Variants in HNRNPA1L3 observed in about 807,000 individuals in gnomAD.
HNRNPA1L3 encodes heterogeneous nuclear ribonucleoprotein A1-like 3.
the HNRNPA1L3 span, chr16:51,645,877 G>A: frequency 1.2e-6 from 2 of 1,607,966 alleles, no homozygotes; most frequent in South Asian, 2.2e-5. Flanking sequence ...TCATTGGAGG[G>A]TTGAGCTTTG....
chr16:51,646,940 A>C, the HNRNPA1L3 span: 1 of 723,316 alleles, frequency 1.4e-6, no homozygotes. Context: ...TAGGCAAAAA[A>C]CTCGAGGACT....
chr16:51,646,750 C>T, the HNRNPA1L3 span: 6 of 1,596,940 alleles, frequency 3.8e-6, no homozygotes, highest in Non-Finnish European at 5.1e-6. Context: ...CCAGCAGCAG[C>T]AGTAGCTATG....
chr16:51,646,102 T>C, the HNRNPA1L3 span: 75 of 1,596,060 alleles, frequency 4.7e-5, no homozygotes, highest in Non-Finnish European at 6.3e-5. Flanking sequence ...GAGAAGATTC[T>C]CAAAGACCAG....
the HNRNPA1L3 span, chr16:51,646,403 C>T: frequency 7.2e-4 from 1,112 of 1,538,958 alleles, 11 homozygotes; most frequent in African/African-American, 0.013. Flanking sequence ...CCAAAGAGGT[C>T]GAAGTGGTTC....
the HNRNPA1L3 span, chr16:51,646,016 G>A: frequency 1.9e-6 from 3 of 1,593,924 alleles, no homozygotes; most frequent in African/African-American, 1.3e-5. Context: ...CACTGTGGAG[G>A]AGGTGGATGC....
the HNRNPA1L3 span, chr16:51,646,574 A>C: frequency 3.2e-6 from 5 of 1,583,998 alleles, no homozygotes; most frequent in African/African-American, 4.0e-5. Context: ...TGATGGAAGC[A>C]ATTTTGGAGG....
At chr16:51,645,925 A>G in the HNRNPA1L3 span, 1 of 1,607,070 alleles carries the variant, frequency 6.2e-7, no homozygotes, top group East Asian at 2.2e-5. Context: ...ATTTTGAGCA[A>G]TGGGGAACGC....
chr16:51,646,492 T>A, the HNRNPA1L3 span: 2 of 1,597,732 alleles, frequency 1.3e-6, no homozygotes, highest in Admixed American at 3.3e-5. Context: ...TCAGTGGTCG[T>A]GGTGGCTTTG....
the HNRNPA1L3 span, chr16:51,647,018 A>G: frequency 1.7e-6 from 1 of 576,712 alleles, no homozygotes; most frequent in Non-Finnish European, 3.1e-6. Flanking sequence ...AAGCATTCCA[A>G]CAAAGGGTTT....
chr16:51,646,940 A>T, the HNRNPA1L3 span: 1 of 723,316 alleles, frequency 1.4e-6, no homozygotes, highest in Non-Finnish European at 2.4e-6. Context: ...TAGGCAAAAA[A>T]CTCGAGGACT....
chr16:51,646,411 T>C, the HNRNPA1L3 span: 1 of 1,562,898 alleles, frequency 6.4e-7, no homozygotes, highest in Non-Finnish European at 8.7e-7. Context: ...GTCGAAGTGG[T>C]TCTGGAAACT....
chr16:51,646,734 G>A, the HNRNPA1L3 span: 1 of 1,598,208 alleles, frequency 6.3e-7, no homozygotes, highest in Non-Finnish European at 8.5e-7. Flanking sequence ...GGTGGCTATG[G>A]CGGTTCCAGC....
chr16:51,645,759 T>C, the HNRNPA1L3 span: 1 of 1,604,302 alleles, frequency 6.2e-7, no homozygotes, highest in Non-Finnish European at 8.5e-7. Context: ...GATCTTTTCC[T>C]TTCTGCCCTT....
At chr16:51,646,271 A>G in the HNRNPA1L3 span, 42 of 1,596,298 alleles carry the variant, frequency 2.6e-5, no homozygotes, top group Non-Finnish European at 3.1e-5. Context: ...TGCCTTTGTA[A>G]CCTTTGACGA....
chr16:51,645,948 T>C, the HNRNPA1L3 span: 8 of 1,605,872 alleles, frequency 5.0e-6, no homozygotes, highest in South Asian at 1.1e-5. Flanking sequence ...ACGGACTGTG[T>C]GGTAATGAGA....
At chr16:51,646,561 T>C in the HNRNPA1L3 span, 8 of 1,594,052 alleles carry the variant, frequency 5.0e-6, no homozygotes, top group South Asian at 1.1e-5. Context: ...ATGGATTTGG[T>C]AATGATGGAA....
At chr16:51,646,012 G>A in the HNRNPA1L3 span, 2 of 1,594,740 alleles carry the variant, frequency 1.3e-6, no homozygotes, top group African/African-American at 1.3e-5. Context: ...ATGCCACTGT[G>A]GAGGAGGTGG....
the HNRNPA1L3 span, chr16:51,646,129 G>A: frequency 1.3e-6 from 2 of 1,595,676 alleles, no homozygotes; most frequent in Non-Finnish European, 1.7e-6. Flanking sequence ...ACTTAACTGT[G>A]AAAAAGATAT....
chr16:51,646,969 A>T, the HNRNPA1L3 span: 2 of 639,916 alleles, frequency 3.1e-6, no homozygotes, highest in Non-Finnish European at 5.5e-6. Flanking sequence ...GACTAATTGT[A>T]TAACAGGTTA....
Sources: gnomAD v4.1 joint callset for allele counts on GRCh38, gnomAD v4.1.1 for gene constraint, MANE v1.5 for transcripts, NCBI Gene and HGNC (gene_info 2026-07-23, HGNC 2026-07-21) for gene names.